The following RBMS3 variants were observed in gnomAD, a reference collection of about 807,000 sequenced individuals.
RBMS3 encodes RNA binding motif single stranded interacting protein 3.
Under a neutral mutation model 66.8 loss-of-function variants are expected in RBMS3, and 27 were observed. The ratio of observed to expected loss-of-function variants is 0.40; its 90% CI spans 0.30 to 0.56. RBMS3 has a LOEUF of 0.56. RBMS3 is among the 20% of genes least tolerant of loss of function. The probability of loss-of-function intolerance (pLI) is 0.40; values close to 1 mark genes in which losing one functional copy is unlikely to be tolerated. For synonymous variants in RBMS3, 188 were observed against 183.0 expected, an observed-to-expected ratio of 1.03 and a Z score of -0.22; for missense variants, 513 against 549.5, an observed-to-expected ratio of 0.93 and a Z score of 0.66.
chr3:29,833,643 GA>G (rs918759782), intron 6 of RBMS3, among the ~76,000 whole-genome samples: 1 of 151,746 alleles, frequency 6.6e-6, no homozygotes, highest in Non-Finnish European at 1.5e-5. Flanking sequence ...AGATAAAAAA[GA>G]AAAAAACAGT....
chr3:29,457,520 G>A (rs183433516), intron 2 of RBMS3, among the ~76,000 whole-genome samples: 2 of 152,092 alleles, frequency 1.3e-5, no homozygotes, highest in African/African-American at 2.4e-5. Flanking sequence ...TCAGGAGTTC[G>A]AGACTAGCCT....
chr3:29,779,706 AAT>A (rs566888716), intron 6 of RBMS3, among the ~76,000 whole-genome samples: 1,789 of 106,914 alleles, frequency 0.017, 90 homozygotes, highest in African/African-American at 0.052. Flanking sequence ...ATTAAGATGA[AAT>A]ATATATATAT....
At chr3:29,551,738 C>T (rs572204619) in intron 3 of RBMS3, among the ~76,000 whole-genome samples, 3 of 152,208 alleles carry the variant, frequency 2.0e-5, no homozygotes, top group South Asian at 4.1e-4. Context: ...TCAAGTGTGA[C>T]GAGGTATCCA....
intron 4 of RBMS3, among the ~76,000 whole-genome samples, chr3:29,641,337 G>A (rs1413428001): frequency 1.3e-5 from 2 of 151,944 alleles, no homozygotes; most frequent in African/African-American, 4.8e-5. Context: ...GAGCATAATG[G>A]TTGTTTCCAA....
chr3:29,284,065 C>T (rs989277018), intron 1 of RBMS3, among the ~76,000 whole-genome samples: 7 of 152,080 alleles, frequency 4.6e-5, no homozygotes, highest in Non-Finnish European at 8.8e-5. Context: ...TACACTTATA[C>T]CTCAAAATAT....
At chr3:29,316,769 C>T (rs961986210) in intron 1 of RBMS3, among the ~76,000 whole-genome samples, 2 of 151,510 alleles carry the variant, frequency 1.3e-5, no homozygotes, top group Middle Eastern at 3.2e-3. Flanking sequence ...TCTTCTATTC[C>T]GGACTATATA....
chr3:29,977,523 A>ATT (rs61008885), intron 12 of RBMS3, among the ~76,000 whole-genome samples: 2 of 151,276 alleles, frequency 1.3e-5, no homozygotes, highest in Admixed American at 6.6e-5. Flanking sequence ...CAATTTTACA[A>ATT]TTTTTTTTTG....
At chr3:29,678,034 G>A (rs768899554) in intron 4 of RBMS3, among the ~76,000 whole-genome samples, 4 of 152,080 alleles carry the variant, frequency 2.6e-5, no homozygotes, top group Non-Finnish European at 5.9e-5. Context: ...GAATGCTAGC[G>A]ATTATTTATT....
At chr3:29,671,070 A>G (rs1027098550) in intron 4 of RBMS3, among the ~76,000 whole-genome samples, 1 of 152,138 alleles carries the variant, frequency 6.6e-6, no homozygotes, top group African/African-American at 2.4e-5. Flanking sequence ...GAAGGATCAG[A>G]CAGCAACATT....
Position 29,784,383 on chromosome 3 carries a change from C to T in RBMS3, c.637+21394C>T, listed in dbSNP as rs141305467. On this transcript the variant is annotated intron_variant, in intron 6 of 14. Coordinates refer to ENST00000383767, the MANE Select transcript of RBMS3 (RefSeq NM_001003793.3). ...AGTTGGAAATCAACTACAAAAGGAACGCTCAAAACCATGCAATTACATGGA... is the reference window on the plus strand; with the variant it reads ...AGTTGGAAATCAACTACAAAAGGAATGCTCAAAACCATGCAATTACATGGA... Among the ~76,000 whole-genome samples, 1,181 of 152,178 alleles carry T rather than the reference C, an allele frequency of 7.8e-3. 17 individuals are homozygous for T. Among genetic ancestry groups the T allele is most frequent in the Middle Eastern group, 0.048 (14 of 294 alleles).
intron 3 of RBMS3, among the ~76,000 whole-genome samples, chr3:29,526,067 A>C (rs2148983041): frequency 6.6e-6 from 1 of 152,240 alleles, no homozygotes; most frequent in South Asian, 2.1e-4. Context: ...AGGCACCTTA[A>C]GGGAGTCTCT....
intron 6 of RBMS3, among the ~76,000 whole-genome samples, chr3:29,820,188 C>CAAAAAAAAAA (rs71091078): frequency 2.0e-4 from 14 of 69,828 alleles, no homozygotes; most frequent in Admixed American, 6.0e-4. Flanking sequence ...GACTTCTTCT[C>CAAAAAAAAAA]AAAAAAAAAA....
intron 3 of RBMS3, among the ~76,000 whole-genome samples, chr3:29,536,322 G>A (rs2045556616): frequency 6.6e-6 from 1 of 152,038 alleles, no homozygotes; most frequent in Non-Finnish European, 1.5e-5. Flanking sequence ...CAATAACCAA[G>A]TAACACTAGT....
At chr3:29,561,432 T>TTTGTTGTTGTTG (rs372349286) in intron 3 of RBMS3, among the ~76,000 whole-genome samples, 6 of 148,948 alleles carry the variant, frequency 4.0e-5, no homozygotes, top group East Asian at 2.0e-4. Flanking sequence ...ATCTGTTGTT[T>TTTGTTGTTGTTG]TTGTTGTTGT....
chr3:29,438,411 G>A (rs1422165611), intron 2 of RBMS3, among the ~76,000 whole-genome samples: 1 of 152,036 alleles, frequency 6.6e-6, no homozygotes, highest in Non-Finnish European at 1.5e-5. Flanking sequence ...TTATATCCAT[G>A]TTAATGCTAA....
chr3:29,281,329 G>C lies in RBMS3; in HGVS notation c.-353G>C. On this transcript the variant is annotated 5_prime_UTR_variant, in exon 1 of 15. Coordinates refer to ENST00000383767, the MANE Select transcript of RBMS3 (RefSeq NM_001003793.3). ...GACTTTGATTTTTTTCCCCCTTTAC[G>C]AACGCTGGCAATTGACATCACTACA... is the stretch of plus-strand genomic sequence containing the variant. 3.7e-6 allele frequency: 1 copy of C among 270,604 alleles called. No individual in the cohort carries two copies. The allele number at this position is 270,604 out of a possible 1,614,324, so 16.8% of individuals were successfully genotyped here.
At chr3:29,451,992 A>T (rs189722610) in intron 2 of RBMS3, among the ~76,000 whole-genome samples, 2 of 143,866 alleles carry the variant, frequency 1.4e-5, no homozygotes, top group Non-Finnish European at 3.1e-5. Context: ...GAGTGTTATG[A>T]GGGATATTTT....
intron 1 of RBMS3, among the ~76,000 whole-genome samples, chr3:29,370,957 G>C (rs2038167944): frequency 6.6e-6 from 1 of 152,174 alleles, no homozygotes; most frequent in South Asian, 2.1e-4. Flanking sequence ...CAGCTGTCTG[G>C]AAGAGCTGAC....
At chr3:29,450,942 A>G (rs1192044178) in intron 2 of RBMS3, among the ~76,000 whole-genome samples, 1 of 151,664 alleles carries the variant, frequency 6.6e-6, no homozygotes, top group African/African-American at 2.4e-5. Context: ...CCCCCCACAC[A>G]CACACATGGT....
Sources: allele counts gnomAD v4.1 joint callset (sites outside exome capture counted in the v4.1 genomes callset), GRCh38; gene constraint gnomAD v4.1.1; transcripts MANE v1.5; gene names NCBI Gene and HGNC (gene_info 2026-07-23, HGNC 2026-07-21).